Variants in WDFY4 observed in about 807,000 individuals in gnomAD.
WDFY4 encodes WD repeat- and FYVE domain-containing protein 4.
A neutral mutation model predicts 351.9 loss-of-function variants in WDFY4; 169 were observed. That is an observed-to-expected ratio of 0.48 (90% CI 0.42 to 0.55). The LOEUF is 0.55. WDFY4 is among the 20% of genes least tolerant of loss of function. The pLI is 0.00. For missense variants in WDFY4, 3,803 were observed against 3,935.6 expected (o/e 0.97, Z 0.90); for synonymous variants, 1,622 against 1,574.6 (o/e 1.03, Z -0.71).
At chr10:48,716,393 A>G (rs191652862) in intron 2 of WDFY4, among the ~76,000 whole-genome samples, 1 of 152,360 alleles carries the variant, frequency 6.6e-6, no homozygotes, top group Admixed American at 6.5e-5. Context: ...AGGGACAGCC[A>G]TGAGGCACGA....
intron 24 of WDFY4, among the ~76,000 whole-genome samples, chr10:48,799,023 G>A (rs911525349): frequency 5.9e-5 from 9 of 152,132 alleles, no homozygotes; most frequent in African/African-American, 1.4e-4. Flanking sequence ...GACTGCAACC[G>A]CTGCTGCCCC....
At position 48,820,332 on chromosome 10, in the gene WDFY4, T is replaced by A. The variant is rs1270312591; in HGVS notation, c.5604T>A (p.His1868Gln). ...GTCTCCAGGCTCCCACCAAGGCACA[T>A]CCCGCCCGGAGGAAGCTGAGGGAGT... is the stretch of plus-strand genomic sequence containing the variant. ...VEGLQAPTKA[H>Q]PARRKLREFT... Residue 1868 changes from histidine (H) to glutamine (Q), a missense_variant, in exon 33 of 62, where the codon CAT becomes CAA. His to Gln is a conservative substitution (Grantham distance 24). Around this residue, in one of 3 missense-constraint regions of WDFY4, gnomAD observed 3,054 missense variants for 3,148.6 expected, o/e 0.97. Coordinates refer to ENST00000325239, the MANE Select transcript of WDFY4 (RefSeq NM_001394531.1). The A allele has an allele frequency of 6.4e-7, 1 of 1,551,466 alleles. No homozygotes were observed. Among genetic ancestry groups the A allele is most frequent in the East Asian group, 2.4e-5 (1 of 40,908 alleles).
chr10:48,953,065 C>T lies in WDFY4; in HGVS notation c.7978-4064C>T, dbSNP rs572159796. ...TTCCCCACCCTCCTACCTCTGTCCTCGCCACTGGAAGATCCCGCCTCTCCT... is the reference window on the plus strand; with the variant it reads ...TTCCCCACCCTCCTACCTCTGTCCTTGCCACTGGAAGATCCCGCCTCTCCT... On this transcript the variant is annotated intron_variant, in intron 51 of 61. Transcript: ENST00000325239. 3.3e-5 allele frequency among the ~76,000 whole-genome samples: 5 copies of T among 152,270 alleles called. No homozygotes were observed. The East Asian group carries it at 7.7e-4, about 24-fold the overall frequency.
intron 26 of WDFY4, 68 bp from the exon 27 acceptor site, chr10:48,805,936 C>A: frequency 7.3e-7 from 1 of 1,375,764 alleles, no homozygotes; most frequent in Non-Finnish European, 1.0e-6. Context: ...TGTGAAAACA[C>A]TGGCATGTAC....
chr10:48,690,160 C>T (rs2063156060), intron 1 of WDFY4, among the ~76,000 whole-genome samples: 1 of 152,150 alleles, frequency 6.6e-6, no homozygotes, highest in Admixed American at 6.5e-5. Flanking sequence ...GGGATCCTTC[C>T]CCTCAGCATT....
chr10:48,840,413 C>T (rs1257898156), intron 39 of WDFY4, among the ~76,000 whole-genome samples: 2 of 117,466 alleles, frequency 1.7e-5, no homozygotes. Flanking sequence ...GACACACACA[C>T]ACACATACAC....
intron 47 of WDFY4, among the ~76,000 whole-genome samples, chr10:48,937,041 C>T (rs984745675): frequency 1.3e-5 from 2 of 151,532 alleles, no homozygotes; most frequent in African/African-American, 4.8e-5. Flanking sequence ...TTACAGGCAC[C>T]CACCACCACG....
intron 12 of WDFY4, among the ~76,000 whole-genome samples, chr10:48,756,356 C>CTGTATTAT: frequency 6.6e-6 from 1 of 151,676 alleles, no homozygotes; most frequent in South Asian, 2.1e-4. Flanking sequence ...TTTTGTATGT[C>CTGTATTAT]GACTATTATT....
At chr10:48,902,898 T>A (rs1365747277) in intron 47 of WDFY4, among the ~76,000 whole-genome samples, 1 of 152,002 alleles carries the variant, frequency 6.6e-6, no homozygotes, top group Non-Finnish European at 1.5e-5. Flanking sequence ...CCACCTGAGG[T>A]CAGGAGTTCA....
chr10:48,977,194 A>G (rs1842606626), intron 59 of WDFY4: 1 of 359,926 alleles, frequency 2.8e-6, no homozygotes, highest in Non-Finnish European at 4.9e-6. Context: ...AGACACACAC[A>G]TGCACACACA....
At chr10:48,716,402 G>A (rs1055724538) in intron 2 of WDFY4, among the ~76,000 whole-genome samples, 1 of 152,186 alleles carries the variant, frequency 6.6e-6, no homozygotes, top group Non-Finnish European at 1.5e-5. Context: ...CATGAGGCAC[G>A]ATGGTGCAGC....
chr10:48,738,350 C>T (rs372390791), intron 11 of WDFY4, among the ~76,000 whole-genome samples: 3 of 152,286 alleles, frequency 2.0e-5, no homozygotes, highest in Non-Finnish European at 2.9e-5. Context: ...AATGTAAAGT[C>T]GTTATGGTGT....
In WDFY4 at chr10:48,967,416, G is replaced by A. The variant is rs186219537; in HGVS notation, c.8584+743G>A. Reference sequence around the variant, plus strand: ...TTAGGGAGGGAAGAGGGTCACTCTGGCCCTATTATTGAGAAACAGTTCTTC... The same window carrying A: ...TTAGGGAGGGAAGAGGGTCACTCTGACCCTATTATTGAGAAACAGTTCTTC... On this transcript the variant is annotated intron_variant, in intron 55 of 61. Transcript: ENST00000325239. 4 of 152,364 alleles carry A rather than the reference G, an allele frequency of 2.6e-5. No homozygotes were observed. In the East Asian group the frequency reaches 7.7e-4, roughly 29 times the overall value. 9.4% of individuals were successfully genotyped at this position (152,364 alleles called of 1,614,324 possible).
In WDFY4 at chr10:48,976,849, GA is replaced by G; in HGVS notation, c.9162del (p.Gln3055SerfsTer16). ...CACTTGTCCCTGTGGAATGTCAATG[GA>G]CAGCCCCTGGCCAGCATCACCACAG... is the stretch of plus-strand genomic sequence containing the variant. Reference protein sequence around the residue: ...GAHLSLWNVNGQPLASITTAW... With the variant: ...GAHLSLWNVNXQPLASITTAW... On this transcript the variant is annotated frameshift_variant, in exon 59 of 62. Transcript: ENST00000325239. LOFTEE classifies it high-confidence loss of function. 1 of 1,530,412 alleles carries G rather than the reference GA, an allele frequency of 6.5e-7. No homozygotes were observed. Among genetic ancestry groups the G allele is most frequent in the Non-Finnish European group, 8.8e-7 (1 of 1,135,760 alleles). The allele number at this position is 1,530,412 out of a possible 1,614,324, so 94.8% of individuals were successfully genotyped here.
Position 48,691,317 on chromosome 10 carries a change from G to T in WDFY4, c.-18+6316G>T, listed in dbSNP as rs758908243. On this transcript the variant is annotated intron_variant, in intron 1 of 61. Transcript: ENST00000325239. ...CCTGTGCAGAGCCTCCTCCCAAGGC[G>T]CAGGAGCCCAGCACCCTTGGTGTGG... 2.0e-5 allele frequency among the ~76,000 whole-genome samples: 3 copies of T among 152,156 alleles called. No individual in the cohort carries two copies. In the East Asian group the frequency reaches 5.8e-4, roughly 29 times the overall value.
At chr10:48,709,656 G>A (rs2063719315) in intron 1 of WDFY4, 60 bp from the exon 2 acceptor site, 2 of 1,444,538 alleles carry the variant, frequency 1.4e-6, no homozygotes, top group African/African-American at 2.8e-5. Context: ...CTTATCCACA[G>A]CCAGAATCAT....
chr10:48,775,680 C>T (rs2066008041), intron 14 of WDFY4, 32 bp from the exon 15 acceptor site: 3 of 1,537,256 alleles, frequency 2.0e-6, no homozygotes, highest in Non-Finnish European at 2.6e-6. Flanking sequence ...AGTAAAATGT[C>T]TTCATTTTTT....
chr10:48,871,294 A>C (rs1482065484), intron 40 of WDFY4, among the ~76,000 whole-genome samples: 1 of 152,172 alleles, frequency 6.6e-6, no homozygotes, highest in Non-Finnish European at 1.5e-5. Context: ...ATAGCTTGAG[A>C]TTATTCATCC....
intron 44 of WDFY4, among the ~76,000 whole-genome samples, chr10:48,894,831 A>T (rs963391326): frequency 6.6e-6 from 1 of 152,204 alleles, no homozygotes; most frequent in Non-Finnish European, 1.5e-5. Context: ...GCTAGACCTA[A>T]GCCAAAGGTA....
Sources: allele counts gnomAD v4.1 joint callset (sites outside exome capture counted in the v4.1 genomes callset), GRCh38; gene constraint gnomAD v4.1.1; regional missense constraint gnomAD v4.1.1; transcripts MANE v1.5; gene names NCBI Gene and HGNC (gene_info 2026-07-23, HGNC 2026-07-21).